The following MTTP variants were observed in gnomAD, a reference collection of about 807,000 sequenced individuals.
MTTP encodes the protein microsomal triglyceride transfer protein, also known as microsomal triglyceride transfer protein large subunit.
A neutral mutation model predicts 90.6 loss-of-function variants in MTTP; 49 were observed. The observed-to-expected ratio is 0.54, with a 90% CI of 0.43 to 0.69. The LOEUF is 0.69. Among genes scored for constraint, MTTP ranks in the 30% least tolerant of loss-of-function variants. MTTP has a pLI of 0.00. For missense variants in MTTP, 945 were observed against 1,067.5 expected, an observed-to-expected ratio of 0.89 and a Z score of 1.60; for synonymous variants, 347 against 384.2, an observed-to-expected ratio of 0.90 and a Z score of 1.13.
chr4:99,568,283 C>T (rs1724753331), intron 1 of MTTP, among the ~76,000 whole-genome samples: 1 of 152,022 alleles, frequency 6.6e-6, no homozygotes, highest in Non-Finnish European at 1.5e-5. Context: ...AAAAGACGCT[C>T]ACTAAACTAA....
In MTTP at chr4:99,591,739, A is replaced by G. The variant is rs1285947070; in HGVS notation, c.707A>G (p.His236Arg). 1 of 1,613,376 alleles carries G rather than the reference A, an allele frequency of 6.2e-7. No individual in the cohort carries two copies. Among genetic ancestry groups the G allele is most frequent in the African/African-American group, 1.3e-5 (1 of 75,042 alleles). ...ATAGCTGTGCTTGCTGAAGAAACAC[A>G]CAATTTTGGACTGAATTTCCTACAA... ...FVIAVLAEET[H>R]NFGLNFLQTI... The change falls in exon 6 of 18, where the codon CAC becomes CGC. Residue 236 changes from histidine to arginine, a missense_variant. His to Arg is a conservative substitution (Grantham distance 29). Coordinates refer to ENST00000265517, the MANE Select transcript of MTTP (RefSeq NM_001386140.1).
chr4:99,591,273 T>C lies in MTTP; in HGVS notation c.540T>C (p.Ala180=). ...ISGNCKVTYQ[A]HQDKVIKIKA... The stretch of plus-strand genomic sequence containing the variant: ...GAAATTGTAAAGTGACCTACCAGGC[T>C]CATCAAGACAAAGTGATCAAAATTA... Residue 180 remains alanine, a synonymous_variant, in exon 5 of 18, where the codon GCT becomes GCC. Coordinates refer to ENST00000265517, the MANE Select transcript of MTTP (RefSeq NM_001386140.1). 1 of 1,613,958 alleles carries C rather than the reference T, an allele frequency of 6.2e-7. No individual in the cohort carries two copies. The highest frequency in any genetic ancestry group is 2.2e-5 in the East Asian group (1 of 44,856).
intron 17 of MTTP, among the ~76,000 whole-genome samples, chr4:99,622,056 T>C (rs185754552): frequency 1.3e-5 from 2 of 152,358 alleles, no homozygotes; most frequent in Non-Finnish European, 2.9e-5. Context: ...GCATTGATTA[T>C]ATAAAAGTAA....
In MTTP at chr4:99,583,601, C is replaced by A. The variant is rs753692763; in HGVS notation, c.393+84C>A. On this transcript the variant is annotated intron_variant, in intron 3 of 17. Transcript: ENST00000265517. ...AGTAGATATTATTTTGAGGTAATCA[C>A]ATTGTAACTACTTTTATGGTAAATG... is the stretch of plus-strand genomic sequence containing the variant. 10 of 1,460,968 alleles carry A rather than the reference C, an allele frequency of 6.8e-6. No homozygotes were observed. In the East Asian group the frequency reaches 2.3e-4, roughly 33 times the overall value. 90.5% of individuals were successfully genotyped at this position (1,460,968 alleles called of 1,614,324 possible). A position where few individuals can be genotyped will look rare whatever the true frequency, so the allele number is the denominator to read the frequency against.
exon 1 of MTTP, chr4:99,564,220 A>G (rs1414407890): frequency 3.9e-6 from 6 of 1,535,532 alleles, no homozygotes; most frequent in Non-Finnish European, 5.2e-6. Flanking sequence ...GCAGACGTGT[A>G]TTCATTCATA....
rs1044423460 is a variant in MTTP, at chr4:99,616,846, C to T, written c.2218-2128C>T. Among the ~76,000 whole-genome samples, 48 of 152,156 alleles carry T rather than the reference C, an allele frequency of 3.2e-4. 1 individual carries two copies. Among genetic ancestry groups the T allele is most frequent in the Admixed American group, 2.7e-3 (42 of 15,278 alleles). On this transcript the variant is annotated intron_variant, in intron 15 of 17. Transcript: ENST00000265517. ...AAATGCTCTCTCCCCACAAAAGGTG[C>T]GTTGTCTAACAGCCATGAAATGGCC...
rs1292073816 is a variant in MTTP at position 99,594,792 on chromosome 4, C to T, written c.818C>T (p.Ala273Val). The stretch of plus-strand genomic sequence containing the variant: ...CCAAGATTGATGTCTGGAAAGCAGG[C>T]TGCAGCCATAATCAAAGCAGTTGAT... ...AGPRLMSGKQ[A>V]AAIIKAVDSK... Residue 273 changes from alanine (A) to valine (V), a missense_variant, in exon 7 of 18, where the codon GCT (alanine) becomes GTT (valine). By Grantham distance (64) the Ala-to-Val change is moderately conservative (BLOSUM62 0). Transcript: ENST00000265517. The T allele has an allele frequency of 6.2e-7, 1 of 1,614,030 alleles. No homozygotes were observed.
intron 1 of MTTP, among the ~76,000 whole-genome samples, chr4:99,569,395 A>C (rs1724783682): frequency 6.6e-6 from 1 of 152,028 alleles, no homozygotes; most frequent in Non-Finnish European, 1.5e-5. Context: ...ATTAGGTAAA[A>C]ACAAAAGTAA....
At chr4:99,601,577 T>C (rs1453029165) in intron 9 of MTTP, 30 bp from the exon 10 acceptor site, 1 of 1,421,274 alleles carries the variant, frequency 7.0e-7, no homozygotes, top group Non-Finnish European at 1.0e-6. Context: ...AATGTCTTGG[T>C]AACCTATTTT....
At position 99,574,855 on chromosome 4, in the gene MTTP, A is replaced by G; in HGVS notation, c.-55A>G. The stretch of plus-strand genomic sequence containing the variant: ...TCACTGGCTGCCATTGAAAGAGTCC[A>G]CTTCTCAGTGACTCCTAGCTGGGCA... On this transcript the variant is annotated 5_prime_UTR_variant, in exon 1 of 18. Coordinates refer to ENST00000265517, the MANE Select transcript of MTTP (RefSeq NM_001386140.1). 6.2e-7 allele frequency: 1 copy of G among 1,614,040 alleles called. No homozygotes were observed. The highest frequency in any genetic ancestry group is 1.1e-5 in the South Asian group (1 of 91,078).
At chr4:99,583,763 T>C in intron 3 of MTTP, 1 of 585,984 alleles carries the variant, frequency 1.7e-6, no homozygotes, top group Non-Finnish European at 3.0e-6. Flanking sequence ...AATGAAGTAT[T>C]TATTTATTGA....
chr4:99,606,516 A>G (rs1473337777), intron 10 of MTTP, among the ~76,000 whole-genome samples: 1 of 152,244 alleles, frequency 6.6e-6, no homozygotes, highest in Admixed American at 6.5e-5. Flanking sequence ...CCCATTATTG[A>G]TAATACTCAT....
intron 10 of MTTP, among the ~76,000 whole-genome samples, chr4:99,604,186 C>T (rs1310311334): frequency 6.6e-6 from 1 of 151,962 alleles, no homozygotes; most frequent in Non-Finnish European, 1.5e-5. Context: ...ATTAAATAAG[C>T]ACAAATTTAA....
At chr4:99,609,025 T>G (rs763193406) in intron 12 of MTTP, 48 bp downstream of exon 12, 30 of 1,504,996 alleles carry the variant, frequency 2.0e-5, no homozygotes, top group African/African-American at 2.8e-5. Context: ...CTTATTTGTG[T>G]GTTCATGGGG....
At position 99,621,246 on chromosome 4, in the gene MTTP, T is replaced by C; in HGVS notation, c.2513+15T>C. The C allele has an allele frequency of 1.2e-6, 2 of 1,613,758 alleles. No homozygotes were observed. Among genetic ancestry groups the C allele is most frequent in the South Asian group, 2.2e-5 (2 of 91,076 alleles). Reference sequence around the variant, plus strand: ...GCTCCATTCAGGTAAGATGCAGCGTTCAGGTCATGTTCCAGGACCATCCCC... The same window carrying C: ...GCTCCATTCAGGTAAGATGCAGCGTCCAGGTCATGTTCCAGGACCATCCCC... On this transcript the variant is annotated intron_variant, in intron 17 of 17. Transcript: ENST00000265517.
rs1301806588 is a variant in MTTP at position 99,608,767 on chromosome 4, TGAA to T, written c.1565_1567del (p.Lys522del). On this transcript the variant is annotated inframe_deletion and splice_region_variant, in exon 12 of 18. Transcript: ENST00000265517. ...TAAGTTTGAACATCTTATGAACAGG[TGAA>T]GAAGACCTTAAACAGAATATACCAC... 1 of 1,613,274 alleles carries T rather than the reference TGAA, an allele frequency of 6.2e-7. No homozygotes were observed. Among genetic ancestry groups the T allele is most frequent in the African/African-American group, 1.3e-5 (1 of 75,026 alleles).
intron 1 of MTTP, among the ~76,000 whole-genome samples, chr4:99,581,095 A>G (rs1725099952): frequency 6.6e-6 from 1 of 152,198 alleles, no homozygotes; most frequent in South Asian, 2.1e-4. Context: ...AAAATATACA[A>G]AAGAAAAAAG....
chr4:99,597,975 A>G (rs988928446), intron 8 of MTTP, among the ~76,000 whole-genome samples: 2 of 152,226 alleles, frequency 1.3e-5, no homozygotes, highest in African/African-American at 2.4e-5. Context: ...AGTCATTAAC[A>G]TAATCAAAAG....
chr4:99,567,503 C>T (rs1233012086), intron 1 of MTTP, among the ~76,000 whole-genome samples: 1 of 152,096 alleles, frequency 6.6e-6, no homozygotes, highest in Non-Finnish European at 1.5e-5. Flanking sequence ...CAGAGGAAAC[C>T]AATGTGAGGT....
Sources: allele counts gnomAD v4.1 joint callset (sites outside exome capture counted in the v4.1 genomes callset), GRCh38; gene constraint gnomAD v4.1.1; transcripts MANE v1.5; gene names NCBI Gene and HGNC (gene_info 2026-07-23, HGNC 2026-07-21).